The following SCEL variants were observed in gnomAD, a reference collection of about 807,000 sequenced individuals.
The protein encoded by SCEL is sciellin.
In SCEL, 113 loss-of-function variants were observed where a neutral mutation model predicts 117.6. The ratio of observed to expected loss-of-function variants is 0.96; its 90% CI spans 0.83 to 1.12. The LOEUF (loss-of-function observed/expected upper bound fraction) is 1.12, where lower values mean the gene tolerates loss of function less well. SCEL is among the 50% of genes most tolerant of loss of function. The probability of loss-of-function intolerance (pLI) is 0.00; values close to 1 mark genes in which losing one functional copy is unlikely to be tolerated. For synonymous variants in SCEL, 270 were observed against 256.2 expected (o/e 1.05, Z -0.51); for missense variants, 785 against 810.8 (o/e 0.97, Z 0.39).
At chr13:77,611,839 CACTT>C (rs1488650787) in intron 22 of SCEL, among the ~76,000 whole-genome samples, 1 of 152,140 alleles carries the variant, frequency 6.6e-6, no homozygotes, top group East Asian at 1.9e-4. Context: ...GCTCGTGAAA[CACTT>C]AGTGTTCAAG....
chr13:77,538,361 C>T (rs531788152), intron 1 of SCEL, among the ~76,000 whole-genome samples: 102 of 152,276 alleles, frequency 6.7e-4, no homozygotes, highest in Middle Eastern at 6.8e-3. Context: ...AAGTGATGTA[C>T]CCGCCTTGGT....
chr13:77,567,769 T>C (rs2085370249), intron 6 of SCEL, 21 bp downstream of exon 6: 1 of 1,450,604 alleles, frequency 6.9e-7, no homozygotes, highest in Non-Finnish European at 9.5e-7. Flanking sequence ...CTACTAACTA[T>C]GGGAAAGGCT....
At chr13:77,594,137 T>G (rs1179777343) in intron 12 of SCEL, among the ~76,000 whole-genome samples, 1 of 152,202 alleles carries the variant, frequency 6.6e-6, no homozygotes, top group Non-Finnish European at 1.5e-5. Context: ...ATTAGAGTAG[T>G]TATTCAGCTT....
chr13:77,628,088 T>C (rs1164453005), intron 28 of SCEL, 79 bp downstream of exon 28: 3 of 310,688 alleles, frequency 9.7e-6, no homozygotes, highest in East Asian at 8.2e-5. Flanking sequence ...TAGAAGATTA[T>C]ATATATAAAA....
intron 9 of SCEL, among the ~76,000 whole-genome samples, chr13:77,574,958 C>T (rs1263059394): frequency 6.6e-6 from 1 of 152,146 alleles, no homozygotes; most frequent in East Asian, 1.9e-4. Context: ...TTTACTTTTT[C>T]ACCACCTAAT....
chr13:77,536,826 G>A (rs540102194), intron 1 of SCEL, among the ~76,000 whole-genome samples: 1 of 152,292 alleles, frequency 6.6e-6, no homozygotes, highest in Non-Finnish European at 1.5e-5. Context: ...TGCTGACAAG[G>A]TCACCTGCAG....
At chr13:77,574,757 TCAAAAA>T (rs1216041366) in intron 9 of SCEL, among the ~76,000 whole-genome samples, 1 of 152,088 alleles carries the variant, frequency 6.6e-6, no homozygotes, top group Non-Finnish European at 1.5e-5. Flanking sequence ...TGGAAATAGG[TCAAAAA>T]CAGATAAAAA....
intron 3 of SCEL, among the ~76,000 whole-genome samples, chr13:77,557,648 G>A: frequency 6.6e-6 from 1 of 152,206 alleles, no homozygotes; most frequent in East Asian, 1.9e-4. Context: ...TCTCAACCAG[G>A]GGCAATTTTA....
intron 12 of SCEL, among the ~76,000 whole-genome samples, chr13:77,594,130 A>G (rs1432061301): frequency 6.6e-6 from 1 of 152,180 alleles, no homozygotes; most frequent in Non-Finnish European, 1.5e-5. Context: ...ACAGATTATT[A>G]GAGTAGTTAT....
chr13:77,600,600 A>G (rs1013026625), intron 15 of SCEL, among the ~76,000 whole-genome samples: 1 of 152,126 alleles, frequency 6.6e-6, no homozygotes, highest in Non-Finnish European at 1.5e-5. Context: ...AACTGAACTG[A>G]TAGCATTTAA....
At chr13:77,623,620 C>T (rs749045784) in intron 27 of SCEL, 2 of 152,162 alleles carry the variant, frequency 1.3e-5, no homozygotes, top group Non-Finnish European at 2.9e-5. Context: ...TTTGAAGGCA[C>T]GCATAGGTTG....
chr13:77,616,005 T>TGTGA (rs1491584703), intron 24 of SCEL, among the ~76,000 whole-genome samples: 1 of 83,030 alleles, frequency 1.2e-5, no homozygotes, highest in East Asian at 1.5e-3. Flanking sequence ...TATGTCTCTC[T>TGTGA]GTGTGTGTGT....
chr13:77,551,476 G>A (rs910284359), intron 1 of SCEL, among the ~76,000 whole-genome samples: 16 of 152,156 alleles, frequency 1.1e-4, no homozygotes, highest in African/African-American at 2.4e-4. Context: ...TTAAATAACA[G>A]AAAATCATTG....
Position 77,567,944 on chromosome 13 carries a change from C to G in SCEL, c.359+196C>G, listed in dbSNP as rs141584416. ...AAGAGCACTTGTAGCTCCAAATCAC[C>G]ATTCTTACCACATTTATGTTTCTGT... is the stretch of plus-strand genomic sequence containing the variant. On this transcript the variant is annotated intron_variant, in intron 6 of 32. Coordinates refer to ENST00000349847, the MANE Select transcript of SCEL (RefSeq NM_144777.3). Among the ~76,000 whole-genome samples, 461 of 152,308 alleles carry G rather than the reference C, an allele frequency of 3.0e-3. 1 individual carries two copies. Among genetic ancestry groups the G allele is most frequent in the African/African-American group, 0.011 (446 of 41,566 alleles).
At chr13:77,604,988 G>A (rs1594096662) in intron 19 of SCEL, among the ~76,000 whole-genome samples, 1 of 152,042 alleles carries the variant, frequency 6.6e-6, no homozygotes, top group South Asian at 2.1e-4. Flanking sequence ...ATGTAGTGTG[G>A]TGTGTATTTA....
At chr13:77,612,613 G>A (rs2088743078) in intron 22 of SCEL, among the ~76,000 whole-genome samples, 1 of 151,142 alleles carries the variant, frequency 6.6e-6, no homozygotes, top group African/African-American at 2.4e-5. Context: ...GTTTAATTCT[G>A]CCACACAGAT....
intron 5 of SCEL, among the ~76,000 whole-genome samples, chr13:77,566,822 C>T (rs972755088): frequency 1.3e-5 from 2 of 152,128 alleles, no homozygotes; most frequent in East Asian, 1.9e-4. Flanking sequence ...ACAAGGAAGA[C>T]CACCAGGAGG....
At chr13:77,602,755 C>T (rs2087803335) in intron 17 of SCEL, 42 bp downstream of exon 17, 14 of 1,551,444 alleles carry the variant, frequency 9.0e-6, no homozygotes, top group Non-Finnish European at 1.2e-5. Context: ...GTTATTTTCT[C>T]TCATATTAAT....
intron 1 of SCEL, among the ~76,000 whole-genome samples, chr13:77,550,392 A>ATATATATATATATATATAT: frequency 4.6e-5 from 1 of 21,892 alleles, no homozygotes; most frequent in South Asian, 1.9e-3. Flanking sequence ...TCTAAAATAT[A>ATATATATATATATATATAT]TATATATATA....
Sources: gnomAD v4.1 joint callset for allele counts (sites outside exome capture counted in the v4.1 genomes callset) on GRCh38, gnomAD v4.1.1 for gene constraint, MANE v1.5 for transcripts, NCBI Gene and HGNC (gene_info 2026-07-23, HGNC 2026-07-21) for gene names.